Variants in NETO1 observed in about 807,000 individuals in gnomAD.
The protein encoded by NETO1 is neuropilin and tolloid like 1, also known as neuropilin and tolloid-like protein 1.
A neutral mutation model predicts 61.3 loss-of-function variants in NETO1; 26 were observed. The observed-to-expected ratio is 0.42, with a 90% CI of 0.31 to 0.59. The LOEUF is 0.59. NETO1 is among the 20% of genes least tolerant of loss of function. The pLI is 0.12. For missense variants in NETO1, 531 were observed against 662.8 expected (o/e 0.80, Z 2.18); for synonymous variants, 225 against 225.8 (o/e 1.00, Z 0.03).
At chr18:72,766,974 T>C (rs2071186967) in intron 7 of NETO1, among the ~76,000 whole-genome samples, 1 of 152,222 alleles carries the variant, frequency 6.6e-6, no homozygotes, top group Non-Finnish European at 1.5e-5. Context: ...TTAAATATCT[T>C]TGGCATCTGC....
In NETO1 at chr18:72,759,945, C is replaced by T. The variant is rs146002601; in HGVS notation, c.869-3798G>A. Among the ~76,000 whole-genome samples, 164 of 152,270 alleles carry T rather than the reference C, an allele frequency of 1.1e-3. 1 individual carries two copies. Among genetic ancestry groups the T allele is most frequent in the Admixed American group, 3.2e-3 (49 of 15,292 alleles). On this transcript the variant is annotated intron_variant, in intron 7 of 10. Transcript: ENST00000327305. ...GTTTCCAGGGTCACAAGAGGGGACA[C>T]GCAACTTTATACTTGTTTCTATCAG... is the stretch of plus-strand genomic sequence containing the variant.
chr18:72,779,590 T>C (rs1336155198), intron 7 of NETO1, among the ~76,000 whole-genome samples: 1 of 152,182 alleles, frequency 6.6e-6, no homozygotes, highest in Non-Finnish European at 1.5e-5. Context: ...CCACTTTCTA[T>C]TGTTTTGAAG....
chr18:72,797,459 T>A lies in NETO1; in HGVS notation c.470-3055A>T, dbSNP rs540806901. On this transcript the variant is annotated intron_variant, in intron 4 of 10. Coordinates refer to ENST00000327305, the MANE Select transcript of NETO1 (RefSeq NM_138966.5). Reference sequence around the variant, plus strand: ...CCTGCAAAAACAAACAAATAAACAATATTCTTTTTTAAAAACAGCCTAAAT... The same window carrying A: ...CCTGCAAAAACAAACAAATAAACAAAATTCTTTTTTAAAAACAGCCTAAAT... Among the ~76,000 whole-genome samples the A allele has an allele frequency of 8.5e-5, 13 of 152,226 alleles. No individual in the cohort carries two copies. In the South Asian group the frequency reaches 2.1e-3, roughly 24 times the overall value.
At chr18:72,831,616 C>T (rs921904707) in intron 4 of NETO1, among the ~76,000 whole-genome samples, 1 of 152,186 alleles carries the variant, frequency 6.6e-6, no homozygotes, top group Admixed American at 6.5e-5. Context: ...ATCTTGTGAT[C>T]CAATGGTGAT....
At position 72,866,945 on chromosome 18, in the gene NETO1, T is replaced by C. The variant is rs192502505; in HGVS notation, c.28+319A>G. On this transcript the variant is annotated intron_variant, in intron 1 of 10. Transcript: ENST00000327305. ...CATCCGCGCTCTCCCGCTTTCCACC[T>C]GCGCCCTCGCTTGGGCCAATCTCTG... The C allele has an allele frequency of 2.6e-3, 1,112 of 424,014 alleles. 14 individuals are homozygous for C. The highest frequency in any genetic ancestry group is 0.02 in the African/African-American group (969 of 48,744). 26.3% of individuals were successfully genotyped at this position (424,014 alleles called of 1,614,324 possible).
chr18:72,846,240 C>T (rs959491278), intron 4 of NETO1, among the ~76,000 whole-genome samples: 3 of 151,694 alleles, frequency 2.0e-5, no homozygotes, highest in African/African-American at 7.3e-5. Flanking sequence ...CGCTGTGGCT[C>T]ACACCTGGAA....
Position 72,796,200 on chromosome 18 carries a change from C to T in NETO1, c.470-1796G>A, listed in dbSNP as rs77229929. On this transcript the variant is annotated intron_variant, in intron 4 of 10. Coordinates refer to ENST00000327305, the MANE Select transcript of NETO1 (RefSeq NM_138966.5). ...TAATATGTATGTGGGTATCTAAGTGCGTTTCTTTGTATGTCTGTGTGCCTG... is the reference window on the plus strand; with the variant it reads ...TAATATGTATGTGGGTATCTAAGTGTGTTTCTTTGTATGTCTGTGTGCCTG... Among the ~76,000 whole-genome samples, 1,022 of 152,244 alleles carry T rather than the reference C, an allele frequency of 6.7e-3. 10 individuals are homozygous for T. The highest frequency in any genetic ancestry group is 0.023 in the African/African-American group (966 of 41,556).
intron 4 of NETO1, among the ~76,000 whole-genome samples, chr18:72,838,045 C>A (rs2073810999): frequency 6.6e-6 from 1 of 151,978 alleles, no homozygotes; most frequent in Non-Finnish European, 1.5e-5. Context: ...ACAATAGCCA[C>A]ACAAAACATT....
intron 4 of NETO1, among the ~76,000 whole-genome samples, chr18:72,848,397 T>G (rs532181248): frequency 1.3e-5 from 2 of 152,160 alleles, no homozygotes; most frequent in East Asian, 3.9e-4. Flanking sequence ...ATCTACATCA[T>G]TAAAATCAGG....
chr18:72,816,404 G>A (rs999200620), intron 4 of NETO1, among the ~76,000 whole-genome samples: 2 of 152,144 alleles, frequency 1.3e-5, no homozygotes, highest in Non-Finnish European at 2.9e-5. Flanking sequence ...TTACACCAGC[G>A]TTTATCTAAA....
intron 4 of NETO1, among the ~76,000 whole-genome samples, chr18:72,799,224 A>G (rs1223069972): frequency 2.0e-5 from 3 of 152,192 alleles, no homozygotes; most frequent in Non-Finnish European, 4.4e-5. Context: ...AACTAGATGA[A>G]CTGATGAAAT....
At chr18:72,866,596 C>G in intron 1 of NETO1, 1 of 537,096 alleles carries the variant, frequency 1.9e-6, no homozygotes, top group Non-Finnish European at 2.4e-6. Context: ...CCCCTCTCAA[C>G]TGCGTGGCCC....
At chr18:72,814,003 T>C (rs1285112070) in intron 4 of NETO1, among the ~76,000 whole-genome samples, 1 of 152,058 alleles carries the variant, frequency 6.6e-6, no homozygotes, top group Non-Finnish European at 1.5e-5. Flanking sequence ...TGGAATGATG[T>C]ATTCAGCAAG....
At chr18:72,748,439 C>A (rs2070481677) in intron 10 of NETO1, 2 of 261,306 alleles carry the variant, frequency 7.7e-6, no homozygotes, top group East Asian at 3.6e-4. Context: ...ATTAATGAAA[C>A]CTTTTGCATT....
At chr18:72,771,001 A>C (rs2071335822) in intron 7 of NETO1, among the ~76,000 whole-genome samples, 1 of 152,216 alleles carries the variant, frequency 6.6e-6, no homozygotes, top group African/African-American at 2.4e-5. Context: ...GGATTAAAGT[A>C]AGTTGATTAT....
intron 7 of NETO1, among the ~76,000 whole-genome samples, chr18:72,758,003 T>C (rs2070841020): frequency 1.3e-5 from 2 of 152,150 alleles, no homozygotes; most frequent in South Asian, 4.1e-4. Context: ...AAATTATATA[T>C]TTACCGACCT....
Position 72,744,914 on chromosome 18 carries a change from C to T in NETO1, c.*3265G>A, listed in dbSNP as rs780543543. 16 of 151,918 alleles carry T rather than the reference C, an allele frequency of 1.1e-4. No individual in the cohort carries two copies. The highest frequency in any genetic ancestry group is 1.6e-4 in the Non-Finnish European group (11 of 67,982). 9.4% of individuals were successfully genotyped at this position (151,918 alleles called of 1,614,324 possible). A position where few individuals can be genotyped will look rare whatever the true frequency, so the allele number is the denominator to read the frequency against. The stretch of plus-strand genomic sequence containing the variant: ...AAAGCTGTAAAATTTGAGGAAGACC[C>T]GAATTAAATTCCTAAGGGAAAAATA... On this transcript the variant is annotated 3_prime_UTR_variant, in exon 11 of 11. Transcript: ENST00000327305.
intron 7 of NETO1, among the ~76,000 whole-genome samples, chr18:72,771,694 T>G (rs2071356832): frequency 6.6e-6 from 1 of 152,168 alleles, no homozygotes; most frequent in Non-Finnish European, 1.5e-5. Flanking sequence ...TCTCCTGAAC[T>G]ACCGAAAGTA....
intron 3 of NETO1, among the ~76,000 whole-genome samples, chr18:72,859,535 G>A (rs1465530504): frequency 6.6e-6 from 1 of 152,120 alleles, no homozygotes; most frequent in Non-Finnish European, 1.5e-5. Context: ...AGATCCAAAT[G>A]CATATATAAG....
Sources: gnomAD v4.1 joint callset for allele counts (sites outside exome capture counted in the v4.1 genomes callset) on GRCh38, gnomAD v4.1.1 for gene constraint, MANE v1.5 for transcripts, NCBI Gene and HGNC (gene_info 2026-07-23, HGNC 2026-07-21) for gene names.